The following CELF2 variants were observed in gnomAD, a reference collection of about 807,000 sequenced individuals.
CELF2 encodes the protein CUG triplet repeat RNA-binding protein 2.
A neutral mutation model predicts 62.6 loss-of-function variants in CELF2; 8 were observed. That is an observed-to-expected ratio of 0.13 (90% CI 0.07 to 0.23). CELF2 has a LOEUF of 0.23. CELF2 is among the 10% of genes least tolerant of loss of function. The probability of loss-of-function intolerance (pLI) is 1.00; values close to 1 mark genes in which losing one functional copy is unlikely to be tolerated. For missense variants in CELF2, 333 were observed against 671.0 expected (o/e 0.50, Z 5.56); for synonymous variants, 258 against 250.0 (o/e 1.03, Z -0.30).
At chr10:10,508,873 A>C in the CELF2 span, among the ~76,000 whole-genome samples, 1 of 152,012 alleles carries the variant, frequency 6.6e-6, no homozygotes, top group South Asian at 2.1e-4. Flanking sequence ...ACAGGGTTTC[A>C]CTATCTTAGC....
intron 2 of CELF2, among the ~76,000 whole-genome samples, chr10:10,991,780 G>GA (rs1233118823): frequency 6.6e-6 from 1 of 152,036 alleles, no homozygotes. Flanking sequence ...GTGGCCTCTT[G>GA]AAAAAAGTAG....
In CELF2 at chr10:11,266,691, T is replaced by C; in HGVS notation, c.618+14T>C. 6.2e-7 allele frequency: 1 copy of C among 1,607,804 alleles called. No homozygotes were observed. Among genetic ancestry groups the C allele is most frequent in the Non-Finnish European group, 8.5e-7 (1 of 1,174,948 alleles). ...CAGACCATGGAGGTACTGTATCATCTGCCCTTTCTTTGTTTTCTTTGTGCA... is the reference window on the plus strand; with the variant it reads ...CAGACCATGGAGGTACTGTATCATCCGCCCTTTCTTTGTTTTCTTTGTGCA... On this transcript the variant is annotated intron_variant, in intron 6 of 12. Transcript: ENST00000633077.
the CELF2 span, among the ~76,000 whole-genome samples, chr10:10,580,529 G>T: frequency 6.6e-5 from 10 of 152,048 alleles, no homozygotes; most frequent in Non-Finnish European, 1.2e-4. Flanking sequence ...ATTCTGACCC[G>T]GCACTAACCA....
the CELF2 span, among the ~76,000 whole-genome samples, chr10:10,747,190 T>G: frequency 6.6e-6 from 1 of 152,174 alleles, no homozygotes; most frequent in African/African-American, 2.4e-5. Flanking sequence ...GAGCTGGAAA[T>G]GGAGGCTGTT....
chr10:11,271,404 T>C (rs1464227232), intron 7 of CELF2, among the ~76,000 whole-genome samples: 1 of 152,216 alleles, frequency 6.6e-6, no homozygotes, highest in African/African-American at 2.4e-5. Flanking sequence ...CTTTGTGTCT[T>C]TATTGAAACA....
At chr10:11,293,937 G>A (rs531678666) in intron 9 of CELF2, among the ~76,000 whole-genome samples, 1 of 152,262 alleles carries the variant, frequency 6.6e-6, no homozygotes, top group South Asian at 2.1e-4. Flanking sequence ...CAGGGTCAGC[G>A]TACCCACCCA....
chr10:10,834,217 C>T (rs567247324), intron 1 of CELF2, among the ~76,000 whole-genome samples: 13 of 152,256 alleles, frequency 8.5e-5, no homozygotes, highest in African/African-American at 1.2e-4. Context: ...GAACAGAAAA[C>T]CAAATACTGC....
chr10:10,699,429 C>T, the CELF2 span, among the ~76,000 whole-genome samples: 1 of 152,236 alleles, frequency 6.6e-6, no homozygotes, highest in East Asian at 1.9e-4. Flanking sequence ...AGTTTTTGTC[C>T]TTGTAGAGAT....
chr10:11,274,753 A>G (rs2085334391), intron 7 of CELF2, among the ~76,000 whole-genome samples: 1 of 152,228 alleles, frequency 6.6e-6, no homozygotes, highest in East Asian at 1.9e-4. Context: ...GCTAGACTAC[A>G]GAGAGAGATA....
the CELF2 span, among the ~76,000 whole-genome samples, chr10:10,533,168 A>G: frequency 9.2e-5 from 14 of 152,302 alleles, no homozygotes; most frequent in Non-Finnish European, 1.9e-4. Flanking sequence ...GTACATTTCA[A>G]TGTGGAGAGT....
chr10:11,253,231 T>C (rs2077663251), intron 4 of CELF2, among the ~76,000 whole-genome samples: 1 of 152,216 alleles, frequency 6.6e-6, no homozygotes, highest in Non-Finnish European at 1.5e-5. Context: ...TCCATCCTGC[T>C]TTAACCCTCC....
the CELF2 span, among the ~76,000 whole-genome samples, chr10:10,564,341 A>G: frequency 6.6e-6 from 1 of 152,190 alleles, no homozygotes; most frequent in African/African-American, 2.4e-5. Context: ...TGCCAGGAAG[A>G]GCTGGGTGGA....
At chr10:11,284,381 G>A (rs62650662) in intron 8 of CELF2, among the ~76,000 whole-genome samples, 1 of 107,672 alleles carries the variant, frequency 9.3e-6, no homozygotes, top group East Asian at 2.5e-4. Context: ...TGTGGTGGGT[G>A]GATGACGGAG....
At chr10:10,881,813 C>T (rs1340326969) in intron 1 of CELF2, among the ~76,000 whole-genome samples, 1 of 152,132 alleles carries the variant, frequency 6.6e-6, no homozygotes, top group Non-Finnish European at 1.5e-5. Flanking sequence ...ACTGCCGCTG[C>T]CTAACAGTCA....
chr10:11,118,194 A>G (rs1488849729), intron 1 of CELF2, among the ~76,000 whole-genome samples: 3 of 152,118 alleles, frequency 2.0e-5, no homozygotes, highest in Non-Finnish European at 2.9e-5. Flanking sequence ...CTCATTGCCC[A>G]ATTGCATGAT....
At chr10:11,120,957 C>T (rs2057623306) in intron 1 of CELF2, among the ~76,000 whole-genome samples, 1 of 152,174 alleles carries the variant, frequency 6.6e-6, no homozygotes. Flanking sequence ...TAAGCGCGTC[C>T]ATTTGCAGAC....
the CELF2 span, among the ~76,000 whole-genome samples, chr10:10,571,167 A>G: frequency 6.6e-6 from 1 of 152,226 alleles, no homozygotes; most frequent in South Asian, 2.1e-4. Flanking sequence ...AAACATAAAC[A>G]AATGCGAGAA....
chr10:10,589,432 C>T, the CELF2 span, among the ~76,000 whole-genome samples: 3 of 152,178 alleles, frequency 2.0e-5, no homozygotes, highest in Non-Finnish European at 4.4e-5. Context: ...CCCATCATAG[C>T]CTCAGCTAGT....
chr10:10,495,702 A>G, the CELF2 span, among the ~76,000 whole-genome samples: 1 of 152,212 alleles, frequency 6.6e-6, no homozygotes, highest in Non-Finnish European at 1.5e-5. Context: ...CATGACTCTA[A>G]GTGACCTTCT....
Sources: gnomAD v4.1 joint callset for allele counts (sites outside exome capture counted in the v4.1 genomes callset) on GRCh38, gnomAD v4.1.1 for gene constraint, MANE v1.5 for transcripts, NCBI Gene and HGNC (gene_info 2026-07-23, HGNC 2026-07-21) for gene names.